The following DGKG variants were observed in gnomAD, a reference collection of about 807,000 sequenced individuals.
The protein encoded by DGKG is DAG kinase gamma.
A neutral mutation model predicts 105.3 loss-of-function variants in DGKG; 78 were observed. The observed-to-expected ratio is 0.74, with a 90% CI of 0.62 to 0.89. The LOEUF is 0.89. DGKG is among the 40% of genes least tolerant of loss of function. DGKG has a pLI of 0.00. For synonymous variants in DGKG, 346 were observed against 367.1 expected (o/e 0.94, Z 0.66); for missense variants, 958 against 1,020.1 (o/e 0.94, Z 0.83).
chr3:186,165,476 T>C (rs960266741), intron 22 of DGKG, among the ~76,000 whole-genome samples: 2 of 152,266 alleles, frequency 1.3e-5, no homozygotes, highest in Non-Finnish European at 2.9e-5. Flanking sequence ...CAATGACTGA[T>C]GGTTAATTAA....
rs1423343682 is a variant in DGKG at position 186,148,976 on chromosome 3, T to TAA, written c.*1112_*1113dup. The TAA allele has an allele frequency of 1.8e-4, 130 of 740,940 alleles. No individual in the cohort carries two copies. The highest frequency in any genetic ancestry group is 7.2e-4 in the South Asian group (12 of 16,594). 45.9% of individuals were successfully genotyped at this position (740,940 alleles called of 1,614,324 possible). ...ATAAATATTTATATATATATATATA[T>TAA]AAATATATAGGCTAAATATATATAT... On this transcript the variant is annotated 3_prime_UTR_variant, in exon 25 of 25. Transcript: ENST00000265022.
chr3:186,269,448 A>T (rs371690894), intron 11 of DGKG, among the ~76,000 whole-genome samples: 1 of 152,326 alleles, frequency 6.6e-6, no homozygotes, highest in African/African-American at 2.4e-5. Flanking sequence ...CAATGCAATG[A>T]GATAGCACAT....
intron 20 of DGKG, among the ~76,000 whole-genome samples, chr3:186,215,898 C>A (rs1160041439): frequency 6.6e-6 from 1 of 151,828 alleles, no homozygotes; most frequent in Non-Finnish European, 1.5e-5. Context: ...TCCATCCATC[C>A]ATTAAACATT....
At chr3:186,179,955 C>A (rs956077635) in intron 22 of DGKG, among the ~76,000 whole-genome samples, 4 of 152,208 alleles carry the variant, frequency 2.6e-5, no homozygotes, top group African/African-American at 9.7e-5. Context: ...GCTCCATGTG[C>A]CCCTGACTGG....
intron 3 of DGKG, among the ~76,000 whole-genome samples, chr3:186,300,330 G>A (rs1244564964): frequency 1.3e-5 from 2 of 152,108 alleles, no homozygotes; most frequent in African/African-American, 4.8e-5. Context: ...AAACAGACCA[G>A]ATTAGCCTCC....
Position 186,361,537 on chromosome 3 carries a change from A to G in DGKG, c.-249+409T>C, listed in dbSNP as rs558966288. Among the ~76,000 whole-genome samples the G allele has an allele frequency of 2.9e-4, 44 of 152,182 alleles. No homozygotes were observed. In the South Asian group the frequency reaches 8.9e-3, roughly 31 times the overall value. On this transcript the variant is annotated intron_variant, in intron 1 of 24. Transcript: ENST00000265022. The surrounding 1 kb of genome is among the most constrained non-coding windows in gnomAD (Gnocchi z 6.8). Reference sequence around the variant, plus strand: ...CGGTCGGAGGCTTTGGCGGCCAGACATTAGGAAAAGCATCTCCTGCTTCTC... The same window carrying G: ...CGGTCGGAGGCTTTGGCGGCCAGACGTTAGGAAAAGCATCTCCTGCTTCTC...
intron 24 of DGKG, among the ~76,000 whole-genome samples, chr3:186,151,386 T>C (rs372922518): frequency 1.3e-5 from 2 of 152,032 alleles, no homozygotes; most frequent in Admixed American, 6.5e-5. Context: ...CATCAACGAG[T>C]TTAAATCAAT....
intron 5 of DGKG, among the ~76,000 whole-genome samples, chr3:186,290,732 A>G (rs1207053451): frequency 6.6e-6 from 1 of 152,204 alleles, no homozygotes; most frequent in Non-Finnish European, 1.5e-5. Flanking sequence ...GGATTCACAG[A>G]GCAGGCACTG....
intron 22 of DGKG, among the ~76,000 whole-genome samples, chr3:186,168,266 G>C (rs914893252): frequency 6.6e-6 from 1 of 152,206 alleles, no homozygotes; most frequent in Admixed American, 6.5e-5. Flanking sequence ...GGGCCAGCAT[G>C]AGCTTGTCAC....
At chr3:186,277,497 G>C (rs1722640067) in intron 9 of DGKG, among the ~76,000 whole-genome samples, 2 of 152,286 alleles carry the variant, frequency 1.3e-5, no homozygotes, top group South Asian at 4.2e-4. Context: ...TACCTCACAA[G>C]CCAGGGTTTT....
At chr3:186,219,192 G>T (rs568381881) in intron 20 of DGKG, among the ~76,000 whole-genome samples, 75 of 151,536 alleles carry the variant, frequency 4.9e-4, no homozygotes, top group African/African-American at 1.6e-3. Context: ...GGCAGGTGGG[G>T]TCTGCTCTGA....
At chr3:186,169,008 G>A (rs74707601) in intron 22 of DGKG, among the ~76,000 whole-genome samples, 2,729 of 152,160 alleles carry the variant, frequency 0.018, 32 homozygotes, top group Non-Finnish European at 0.027. Context: ...TTCTTTCTTG[G>A]TATTGATCAT....
chr3:186,151,790 C>A (rs1274706904), intron 24 of DGKG, among the ~76,000 whole-genome samples: 2 of 152,110 alleles, frequency 1.3e-5, no homozygotes, highest in African/African-American at 4.8e-5. Context: ...CTACTGTAAG[C>A]CAGGTTTACA....
At position 186,210,214 on chromosome 3, in the gene DGKG, C is replaced by T. The variant is rs1362192029; in HGVS notation, c.1917+1581G>A. Among the ~76,000 whole-genome samples, 3 of 152,218 alleles carry T rather than the reference C, an allele frequency of 2.0e-5. No individual in the cohort carries two copies. On this transcript the variant is annotated intron_variant, in intron 21 of 24. Coordinates refer to ENST00000265022, the MANE Select transcript of DGKG (RefSeq NM_001346.3). The surrounding 1 kb of genome is among the most constrained non-coding windows in gnomAD (Gnocchi z 5.2). ...AGAACAAGCAGTCGCTGTGCGCCTG[C>T]AGCTGGCTGTGGTTAGGCCAGGGCT...
intron 22 of DGKG, among the ~76,000 whole-genome samples, chr3:186,172,936 A>G (rs970057920): frequency 6.6e-6 from 1 of 152,238 alleles, no homozygotes; most frequent in Non-Finnish European, 1.5e-5. Context: ...GTATTTTCTC[A>G]CGGTTCTGGA....
chr3:186,255,229 C>T (rs1278634891), intron 17 of DGKG, among the ~76,000 whole-genome samples: 1 of 152,358 alleles, frequency 6.6e-6, no homozygotes, highest in East Asian at 1.9e-4. Context: ...CTGCTATATG[C>T]AGATGCAGTG....
At chr3:186,211,545 G>A (rs1008190864) in intron 21 of DGKG, among the ~76,000 whole-genome samples, 4 of 152,206 alleles carry the variant, frequency 2.6e-5, no homozygotes, top group Non-Finnish European at 5.9e-5. Flanking sequence ...GGAGGGCTGA[G>A]GGCTGGAATG....
Position 186,249,341 on chromosome 3 carries a change from A to C in DGKG, c.1761+2418T>G, listed in dbSNP as rs941588749. 9.9e-5 allele frequency among the ~76,000 whole-genome samples: 15 copies of C among 152,200 alleles called. 1 individual carries two copies. Among genetic ancestry groups the C allele is most frequent in the Non-Finnish European group, 1.5e-5 (1 of 68,038 alleles). On this transcript the variant is annotated intron_variant, in intron 19 of 24. Coordinates refer to ENST00000265022, the MANE Select transcript of DGKG (RefSeq NM_001346.3). ...CTTCCCTCTTCTGCTTTAGTAATAG[A>C]AAAAGAGCACCGGATTAGGAGTCAG...
intron 3 of DGKG, among the ~76,000 whole-genome samples, chr3:186,302,739 TTA>T (rs1279844684): frequency 1.3e-5 from 2 of 151,630 alleles, no homozygotes; most frequent in African/African-American, 4.8e-5. Context: ...AGAGTCAGTG[TTA>T]TATAAGAGGT....
Sources: allele counts gnomAD v4.1 joint callset (sites outside exome capture counted in the v4.1 genomes callset), GRCh38; gene constraint gnomAD v4.1.1; non-coding constraint Gnocchi (gnomAD v3.1); transcripts MANE v1.5; gene names NCBI Gene and HGNC (gene_info 2026-07-23, HGNC 2026-07-21).